Variants in PLXNC1 observed in about 807,000 individuals in gnomAD.
The protein encoded by PLXNC1 is plexin-C1.
PLXNC1 carries 75 observed loss-of-function variants against 178.2 expected under a neutral mutation model. That is an observed-to-expected ratio of 0.42 (90% CI 0.35 to 0.51). PLXNC1 has a LOEUF of 0.51. Among genes scored for constraint, PLXNC1 ranks in the 20% least tolerant of loss-of-function variants. PLXNC1 has a pLI of 0.02. For synonymous variants in PLXNC1, 790 were observed against 779.9 expected (o/e 1.01, Z -0.22); for missense variants, 1,503 against 1,984.4 (o/e 0.76, Z 4.61).
At chr12:94,227,985 G>A (rs1963993315) in intron 9 of PLXNC1, among the ~76,000 whole-genome samples, 1 of 152,184 alleles carries the variant, frequency 6.6e-6, no homozygotes, top group African/African-American at 2.4e-5. Flanking sequence ...AGCAGAAATA[G>A]ACAAATTAAA....
At chr12:94,252,171 T>C (rs1964713643) in intron 15 of PLXNC1, among the ~76,000 whole-genome samples, 1 of 152,168 alleles carries the variant, frequency 6.6e-6, no homozygotes, top group African/African-American at 2.4e-5. Flanking sequence ...CTCTGGGATT[T>C]TGGGCTCCCA....
chr12:94,177,531 A>AAGAAAG (rs1555195718), intron 2 of PLXNC1, among the ~76,000 whole-genome samples: 6 of 150,380 alleles, frequency 4.0e-5, no homozygotes, highest in Middle Eastern at 6.8e-3. Flanking sequence ...GAGAGGGAGA[A>AAGAAAG]AGAAAGAAAG....
Position 94,298,503 on chromosome 12 carries a change from T to C in PLXNC1, c.4075-129T>C, listed in dbSNP as rs1481651360. On this transcript the variant is annotated intron_variant, in intron 26 of 30. Coordinates refer to ENST00000258526, the MANE Select transcript of PLXNC1 (RefSeq NM_005761.3). ...GCCACATTTGACAATTTTACATTTTTCTCTTCAGTTTGTTTTTCCCTGTTT... is the reference window on the plus strand; with the variant it reads ...GCCACATTTGACAATTTTACATTTTCCTCTTCAGTTTGTTTTTCCCTGTTT... 5 of 761,654 alleles carry C rather than the reference T, an allele frequency of 6.6e-6. No individual in the cohort carries two copies. The African/African-American group carries it at 8.9e-5, about 14-fold the overall frequency. The allele number at this position is 761,654 out of a possible 1,614,324, so 47.2% of individuals were successfully genotyped here.
chr12:94,187,122 T>A (rs1962541921), intron 4 of PLXNC1, among the ~76,000 whole-genome samples: 1 of 151,928 alleles, frequency 6.6e-6, no homozygotes, highest in African/African-American at 2.4e-5. Flanking sequence ...GTACTGGGGC[T>A]CTTGCTGGAG....
intron 11 of PLXNC1, 63 bp from the exon 12 acceptor site, chr12:94,243,875 C>T (rs1964454982): frequency 5.3e-6 from 4 of 747,682 alleles, no homozygotes; most frequent in Non-Finnish European, 9.0e-6. Flanking sequence ...TAGCTTTGTT[C>T]ATAAATGCAA....
In PLXNC1 at chr12:94,278,372, T is replaced by C. The variant is rs146822701; in HGVS notation, c.3598-1100T>C. 1.8e-4 allele frequency among the ~76,000 whole-genome samples: 27 copies of C among 152,360 alleles called. No individual in the cohort carries two copies. The East Asian group carries it at 2.3e-3, about 13-fold the overall frequency. Reference sequence around the variant, plus strand: ...TGAGGGTACGTATCAGGTAAAACTTTGTTGTTTTAGATCTATTTGTTCTTA... The same window carrying C: ...TGAGGGTACGTATCAGGTAAAACTTCGTTGTTTTAGATCTATTTGTTCTTA... On this transcript the variant is annotated intron_variant, in intron 21 of 30. Coordinates refer to ENST00000258526, the MANE Select transcript of PLXNC1 (RefSeq NM_005761.3).
At position 94,177,129 on chromosome 12, in the gene PLXNC1, G is replaced by GTA. The variant is rs1555195605; in HGVS notation, c.1204-4309_1204-4308dup. On this transcript the variant is annotated intron_variant, in intron 2 of 30. Coordinates refer to ENST00000258526, the MANE Select transcript of PLXNC1 (RefSeq NM_005761.3). ...TGTGTGTGTATATATGTGTGTGTGT[G>GTA]TATATATATGTGTGTGTGTGTATAT... Among the ~76,000 whole-genome samples the GTA allele has an allele frequency of 1.6e-3, 129 of 82,914 alleles. 1 individual carries two copies. The highest frequency in any genetic ancestry group is 5.5e-3 in the African/African-American group (122 of 22,324). The allele number at this position is 82,914 out of a possible 152,430, so 54.4% of individuals were successfully genotyped here. A position where few individuals can be genotyped will look rare whatever the true frequency, so the allele number is the denominator to read the frequency against.
At chr12:94,283,325 G>A (rs957183310) in intron 23 of PLXNC1, among the ~76,000 whole-genome samples, 8 of 152,172 alleles carry the variant, frequency 5.3e-5, no homozygotes, top group African/African-American at 1.4e-4. Flanking sequence ...GGAAGGGAGA[G>A]CATGCGTGTT....
Position 94,307,314 on chromosome 12 carries a change from C to T in PLXNC1, c.*2029C>T, listed in dbSNP as rs1325087294. On this transcript the variant is annotated 3_prime_UTR_variant, in exon 31 of 31. Coordinates refer to ENST00000258526, the MANE Select transcript of PLXNC1 (RefSeq NM_005761.3). ...AATGTATGTAGCGTGTTTGTCAATC[C>T]TCCAGTGAAAAGCACTATCTAGATC... 3 of 152,164 alleles carry T rather than the reference C, an allele frequency of 2.0e-5. No individual in the cohort carries two copies. The highest frequency in any genetic ancestry group is 2.9e-5 in the Non-Finnish European group (2 of 68,022). The allele number at this position is 152,164 out of a possible 1,614,324, so 9.4% of individuals were successfully genotyped here. A position where few individuals can be genotyped will look rare whatever the true frequency, so the allele number is the denominator to read the frequency against.
rs1450278396 is a variant in PLXNC1 at position 94,152,330 on chromosome 12, TAGAGA to T, written c.1062+2301_1062+2305del. On this transcript the variant is annotated intron_variant, in intron 1 of 30. Coordinates refer to ENST00000258526, the MANE Select transcript of PLXNC1 (RefSeq NM_005761.3). ...ACAATTTTCTAACCTATTAAATAGG[TAGAGA>T]AGATACTCAATTCAACAAATATTTG... Among the ~76,000 whole-genome samples the T allele has an allele frequency of 2.2e-4, 33 of 152,324 alleles. 1 individual carries two copies. The highest frequency in any genetic ancestry group is 2.2e-3 in the Admixed American group (33 of 15,306).
At chr12:94,278,833 T>A (rs1030262308) in intron 21 of PLXNC1, among the ~76,000 whole-genome samples, 1 of 151,906 alleles carries the variant, frequency 6.6e-6, no homozygotes, top group African/African-American at 2.4e-5. Context: ...CCGTCTCTAC[T>A]AAAAAAATAC....
At chr12:94,190,585 G>A (rs765539120) in intron 4 of PLXNC1, among the ~76,000 whole-genome samples, 6 of 152,064 alleles carry the variant, frequency 3.9e-5, no homozygotes, top group East Asian at 1.9e-4. Flanking sequence ...ATCCCAGTGC[G>A]CTCCAAGAAG....
intron 1 of PLXNC1, among the ~76,000 whole-genome samples, chr12:94,164,639 C>T (rs1261721714): frequency 2.7e-5 from 4 of 150,326 alleles, no homozygotes; most frequent in Admixed American, 1.3e-4. Flanking sequence ...TTGTTTTCCT[C>T]ATGATATGCC....
chr12:94,209,564 G>A (rs1963403358), intron 4 of PLXNC1, 26 bp from the exon 5 acceptor site: 1 of 1,348,006 alleles, frequency 7.4e-7, no homozygotes, highest in South Asian at 1.2e-5. Flanking sequence ...GTATGGGGTC[G>A]CTGTTTTGTT....
rs1186779885 is a variant in PLXNC1, at chr12:94,248,255, A to G, written c.2621A>G (p.Lys874Arg). The change falls in exon 14 of 31, where the codon AAA becomes AGA. Residue 874 changes from lysine (K) to arginine (R), a missense_variant. Coordinates refer to ENST00000258526, the MANE Select transcript of PLXNC1 (RefSeq NM_005761.3). Reference protein sequence around the residue: ...QKENDNFNISKKDIEITLFHG... With the variant: ...QKENDNFNISRKDIEITLFHG... ...GAAAATGACAACTTCAACATTTCCA[A>G]AAAAGACATTGAAATTACTCTCTTC... The G allele has an allele frequency of 1.2e-6, 2 of 1,609,856 alleles. No individual in the cohort carries two copies. The highest frequency in any genetic ancestry group is 1.7e-5 in the Admixed American group (1 of 58,966).
At chr12:94,279,972 G>A (rs1966314818) in intron 22 of PLXNC1, 1 of 447,058 alleles carries the variant, frequency 2.2e-6, no homozygotes, top group Non-Finnish European at 4.2e-6. Context: ...AATACAGAAA[G>A]GTGTCAACAC....
At position 94,226,593 on chromosome 12, in the gene PLXNC1, C is replaced by T; in HGVS notation, c.1791-12C>T. On this transcript the variant is annotated splice_polypyrimidine_tract_variant and intron_variant, in intron 7 of 30. Coordinates refer to ENST00000258526, the MANE Select transcript of PLXNC1 (RefSeq NM_005761.3). Reference sequence around the variant, plus strand: ...AAAACGCAGGAATTAAGTCAGTTTTCTGTGTTGCTAGATGCCCAGCATGCG... The same window carrying T: ...AAAACGCAGGAATTAAGTCAGTTTTTTGTGTTGCTAGATGCCCAGCATGCG... 1 of 1,595,136 alleles carries T rather than the reference C, an allele frequency of 6.3e-7. No individual in the cohort carries two copies. The highest frequency in any genetic ancestry group is 8.6e-7 in the Non-Finnish European group (1 of 1,164,036).
chr12:94,186,151 G>T, intron 3 of PLXNC1: 1 of 448,100 alleles, frequency 2.2e-6, no homozygotes, highest in Non-Finnish European at 4.1e-6. Flanking sequence ...GAGAGTCTCT[G>T]CGGCAGAGGC....
At position 94,305,300 on chromosome 12, in the gene PLXNC1, G is replaced by A. The variant is rs762382274; in HGVS notation, c.*15G>A. The A allele has an allele frequency of 6.7e-7, 1 of 1,503,266 alleles. No individual in the cohort carries two copies. The highest frequency in any genetic ancestry group is 1.7e-5 in the Admixed American group (1 of 57,938). The allele number at this position is 1,503,266 out of a possible 1,614,324, so 93.1% of individuals were successfully genotyped here. On this transcript the variant is annotated 3_prime_UTR_variant, in exon 31 of 31. Transcript: ENST00000258526. ...AGTGGATGTAAGCACTCTGGGGCCT[G>A]GCTTAATCTGGCAAAGTTCTTCAGA...
Sources: gnomAD v4.1 joint callset for allele counts (sites outside exome capture counted in the v4.1 genomes callset) on GRCh38, gnomAD v4.1.1 for gene constraint, MANE v1.5 for transcripts, NCBI Gene and HGNC (gene_info 2026-07-23, HGNC 2026-07-21) for gene names.